PIK3R3: variants seen among roughly 807,000 people sequenced by gnomAD.
PIK3R3 encodes the protein phosphoinositide-3-kinase regulatory subunit 3.
PIK3R3 carries 64 observed loss-of-function variants against 62.9 expected under a neutral mutation model. That is an observed-to-expected ratio of 1.02 (90% CI 0.83 to 1.25). The LOEUF (loss-of-function observed/expected upper bound fraction) is 1.25. Among genes scored for constraint, PIK3R3 ranks in the 50% most tolerant of loss-of-function variants. The pLI is 0.00. For missense variants in PIK3R3, 614 were observed against 561.6 expected, an observed-to-expected ratio of 1.09 and a Z score of -0.94; for synonymous variants, 165 against 189.0, an observed-to-expected ratio of 0.87 and a Z score of 1.04.
chr1:46,136,730 C>T (rs117526007), upstream of PIK3R3, among the ~76,000 whole-genome samples: 185 of 152,280 alleles, frequency 1.2e-3, 3 homozygotes, highest in East Asian at 0.026. Context: ...TTTGGGTCCT[C>T]ATTTAGGTTT....
intron 1 of PIK3R3, among the ~76,000 whole-genome samples, chr1:46,096,472 A>G (rs1170637684): frequency 6.6e-6 from 1 of 152,256 alleles, no homozygotes; most frequent in African/African-American, 2.4e-5. Flanking sequence ...AAATTTCGTA[A>G]TATTCTGCTG....
At chr1:46,165,270 C>G in the PIK3R3 span, among the ~76,000 whole-genome samples, 1 of 151,764 alleles carries the variant, frequency 6.6e-6, no homozygotes, top group African/African-American at 2.4e-5. Flanking sequence ...TTAACTCAAC[C>G]CTCACAACAC....
At chr1:46,050,379 A>G (rs1647253984) in intron 7 of PIK3R3, among the ~76,000 whole-genome samples, 1 of 152,126 alleles carries the variant, frequency 6.6e-6, no homozygotes, top group African/African-American at 2.4e-5. Flanking sequence ...AGCCTGGCCA[A>G]CATGGTGAAA....
chr1:46,131,893 C>T lies in PIK3R3; in HGVS notation c.60G>A (p.Met20Ile). 1 of 1,613,336 alleles carries T rather than the reference C, an allele frequency of 6.2e-7. No homozygotes were observed. Among genetic ancestry groups the T allele is most frequent in the Non-Finnish European group, 8.5e-7 (1 of 1,179,438 alleles). ...AAAATATCAGTTCTGTCGAATAGGG[C>T]ATCATCACCTCCCTCCAGTCTGCGT... is the stretch of plus-strand genomic sequence containing the variant. ...RDDADWREVM[M>I]PYSTELIFYI... Residue 20 changes from methionine to isoleucine, a missense_variant, in exon 1 of 10, where the codon ATG (methionine) becomes ATA (isoleucine). Met to Ile is a conservative substitution (Grantham distance 10). Transcript: ENST00000262741.
At chr1:46,130,113 G>T (rs1199860614) in intron 1 of PIK3R3, among the ~76,000 whole-genome samples, 1 of 152,070 alleles carries the variant, frequency 6.6e-6, no homozygotes, top group East Asian at 1.9e-4. Context: ...AACCATAAGT[G>T]CATTCTTCAT....
intron 1 of PIK3R3, among the ~76,000 whole-genome samples, chr1:46,092,197 T>C (rs1464699759): frequency 1.3e-5 from 2 of 152,232 alleles, no homozygotes; most frequent in African/African-American, 4.8e-5. Context: ...ACATCTTAAA[T>C]GAAGGCGCCT....
At chr1:46,046,845 G>C (rs1187792735) in intron 7 of PIK3R3, 12 of 552,308 alleles carry the variant, frequency 2.2e-5, no homozygotes, top group Non-Finnish European at 3.8e-5. Context: ...AAACATAGAG[G>C]GCTACTTGAA....
rs1646986113 is a variant in PIK3R3, at chr1:46,041,002, AG to A, written c.*2670del. On this transcript the variant is annotated 3_prime_UTR_variant, in exon 10 of 10. Coordinates refer to ENST00000262741, the MANE Select transcript of PIK3R3 (RefSeq NM_003629.4). ...GCCAGCCCCAAGCTGCTTGCATGTC[AG>A]TAGCTGGGTTCTCTAGCCAGGGGTA... 6.0e-6 allele frequency: 1 copy of A among 167,758 alleles called. No homozygotes were observed. Among genetic ancestry groups the A allele is most frequent in the Non-Finnish European group, 1.3e-5 (1 of 76,986 alleles). The allele number at this position is 167,758 out of a possible 1,614,324, so 10.4% of individuals were successfully genotyped here.
chr1:46,066,939 A>C lies in PIK3R3; in HGVS notation c.467T>G (p.Leu156Arg). ...TTGGTATCTGGACACTGGGTACATCAGCTTCACATCAAGTTTGGGATTGTA... is the reference window on the plus strand; with the variant it reads ...TTGGTATCTGGACACTGGGTACATCCGCTTCACATCAAGTTTGGGATTGTA... Reference protein sequence around the residue: ...AQYNPKLDVKLMYPVSRYQQD... With the variant: ...AQYNPKLDVKRMYPVSRYQQD... The change falls in exon 4 of 10, where the codon CTG becomes CGG. Residue 156 changes from leucine to arginine, a missense_variant. Physicochemically the swap from Leu to Arg is moderately radical, Grantham distance 102. Coordinates refer to ENST00000262741, the MANE Select transcript of PIK3R3 (RefSeq NM_003629.4). 1 of 1,613,840 alleles carries C rather than the reference A, an allele frequency of 6.2e-7. No homozygotes were observed. The highest frequency in any genetic ancestry group is 1.1e-5 in the South Asian group (1 of 91,064).
intron 1 of PIK3R3, among the ~76,000 whole-genome samples, chr1:46,088,656 C>T (rs1396128582): frequency 6.6e-6 from 1 of 151,962 alleles, no homozygotes; most frequent in African/African-American, 2.4e-5. Context: ...AGGATCAACT[C>T]AGAAGATCCA....
the PIK3R3 span, among the ~76,000 whole-genome samples, chr1:46,161,774 A>T: frequency 6.6e-6 from 1 of 152,136 alleles, no homozygotes; most frequent in Non-Finnish European, 1.5e-5. Context: ...TGTAAGCCAA[A>T]ATATCAACAA....
chr1:46,171,881 G>T, the PIK3R3 span, among the ~76,000 whole-genome samples: 1 of 152,088 alleles, frequency 6.6e-6, no homozygotes, highest in South Asian at 2.1e-4. Flanking sequence ...AAGGGTCCCA[G>T]AATTATAAAG....
At chr1:46,143,615 A>G in the PIK3R3 span, among the ~76,000 whole-genome samples, 5 of 151,684 alleles carry the variant, frequency 3.3e-5, no homozygotes, top group African/African-American at 9.7e-5. Context: ...AGCTGGGACT[A>G]TAGCACATGC....
intron 1 of PIK3R3, among the ~76,000 whole-genome samples, chr1:46,129,802 A>G (rs1242006690): frequency 6.6e-6 from 1 of 152,238 alleles, no homozygotes; most frequent in African/African-American, 2.4e-5. Flanking sequence ...TCGTTTTCAA[A>G]AAGCTGTTAG....
chr1:46,086,510 G>A (rs979332529), intron 1 of PIK3R3, among the ~76,000 whole-genome samples: 1 of 152,058 alleles, frequency 6.6e-6, no homozygotes, highest in African/African-American at 2.4e-5. Flanking sequence ...GACCAGCCTG[G>A]CCAACACGGT....
chr1:46,106,178 C>T (rs1468674362), intron 1 of PIK3R3, among the ~76,000 whole-genome samples: 1 of 152,142 alleles, frequency 6.6e-6, no homozygotes, highest in African/African-American at 2.4e-5. Context: ...CTATGGCTTA[C>T]TGCAGCCTTG....
chr1:46,045,616 G>GTTTTTTTTTTTTTTTTT (rs1357786582), intron 9 of PIK3R3, among the ~76,000 whole-genome samples: 1 of 16,542 alleles, frequency 6.0e-5, no homozygotes, highest in Admixed American at 6.7e-4. Context: ...ACAATTAAGT[G>GTTTTTTTTTTTTTTTTT]CTTTTTTTTT....
rs111759714 is a variant in PIK3R3, at chr1:46,091,483, T to TACAC, written c.107-10737_107-10734dup. On this transcript the variant is annotated intron_variant, in intron 1 of 9. Coordinates refer to ENST00000262741, the MANE Select transcript of PIK3R3 (RefSeq NM_003629.4). Reference sequence around the variant, plus strand: ...ATGGTTATAAACACACACACACACATACACACACACACACACAGAGAATGT... The same window carrying TACAC: ...ATGGTTATAAACACACACACACACATACACACACACACACACACACAGAGAATGT... 2.8e-3 allele frequency among the ~76,000 whole-genome samples: 423 copies of TACAC among 149,714 alleles called. 1 individual carries two copies. The highest frequency in any genetic ancestry group is 9.5e-3 in the South Asian group (45 of 4,722).
chr1:46,151,722 C>T, the PIK3R3 span, among the ~76,000 whole-genome samples: 1 of 152,168 alleles, frequency 6.6e-6, no homozygotes, highest in African/African-American at 2.4e-5. Context: ...CAGTGTTCTG[C>T]TTTTTAGGGA....
Sources: gnomAD v4.1 joint callset for allele counts (sites outside exome capture counted in the v4.1 genomes callset) on GRCh38, gnomAD v4.1.1 for gene constraint, MANE v1.5 for transcripts, NCBI Gene and HGNC (gene_info 2026-07-23, HGNC 2026-07-21) for gene names.